The following GRID2 variants were observed in gnomAD, a reference collection of about 807,000 sequenced individuals.
The protein encoded by GRID2 is glutamate ionotropic receptor delta type subunit 2, also known as glutamate receptor ionotropic, delta-2.
A neutral mutation model predicts 114.8 loss-of-function variants in GRID2; 33 were observed. The ratio of observed to expected loss-of-function variants is 0.29; its 90% CI spans 0.22 to 0.38. The LOEUF is 0.38. Ranked by LOEUF, GRID2 falls within the 10% of genes least tolerant of loss-of-function variation. The pLI, the probability that GRID2 is intolerant of heterozygous loss-of-function variation, is 1.00. For synonymous variants in GRID2, 505 were observed against 449.9 expected (o/e 1.12, Z -1.55); for missense variants, 1,184 against 1,257.7 (o/e 0.94, Z 0.89).
chr4:92,434,158 C>T (rs1732613812), intron 1 of GRID2, among the ~76,000 whole-genome samples: 1 of 152,200 alleles, frequency 6.6e-6, no homozygotes, highest in African/African-American at 2.4e-5. Flanking sequence ...CTATTCCAGA[C>T]ACTGTGTGAC....
chr4:92,582,856 A>G (rs932639237), intron 1 of GRID2, among the ~76,000 whole-genome samples: 1 of 151,810 alleles, frequency 6.6e-6, no homozygotes, highest in Non-Finnish European at 1.5e-5. Flanking sequence ...GCTTGGTTGC[A>G]TGCCCCTGTA....
intron 2 of GRID2, among the ~76,000 whole-genome samples, chr4:92,948,371 A>G (rs1274909323): frequency 6.6e-6 from 1 of 151,914 alleles, no homozygotes; most frequent in East Asian, 1.9e-4. Flanking sequence ...GCAGAAAAAT[A>G]ATTACTAAAA....
intron 2 of GRID2, among the ~76,000 whole-genome samples, chr4:92,630,517 G>A (rs983890022): frequency 6.6e-6 from 1 of 152,136 alleles, no homozygotes. Context: ...TTAACCTGAT[G>A]TGTTGTCCTA....
Position 92,720,289 on chromosome 4 carries a change from G to A in GRID2, c.244+130003G>A, listed in dbSNP as rs188335268. On this transcript the variant is annotated intron_variant, in intron 2 of 15. Coordinates refer to ENST00000282020, the MANE Select transcript of GRID2 (RefSeq NM_001510.4). ...TTTGAATTTTCACTTCACTATGTGT[G>A]CAATTTATCCTTAGTCTAAATTGAT... is the stretch of plus-strand genomic sequence containing the variant. Among the ~76,000 whole-genome samples, 1,008 of 152,098 alleles carry A rather than the reference G, an allele frequency of 6.6e-3. 17 individuals carry two copies. Among genetic ancestry groups the A allele is most frequent in the African/African-American group, 0.023 (954 of 41,538 alleles).
rs201950087 is a variant in GRID2 at position 92,938,567 on chromosome 4, CT to C, written c.245-146419del. 6.7e-3 allele frequency among the ~76,000 whole-genome samples: 964 copies of C among 143,620 alleles called. 89 individuals are homozygous for C. Among genetic ancestry groups the C allele is most frequent in the Non-Finnish European group, 0.01 (673 of 64,752 alleles). The allele number at this position is 143,620 out of a possible 152,430, so 94.2% of individuals were successfully genotyped here. On this transcript the variant is annotated intron_variant, in intron 2 of 15. Transcript: ENST00000282020. Reference sequence around the variant, plus strand: ...AGTGGGAGGATTAATGTCAATATTTCTTTTTTTTTATTATACTTTAAGTTTT... The same window carrying C: ...AGTGGGAGGATTAATGTCAATATTTCTTTTTTTTATTATACTTTAAGTTTT...
At chr4:93,431,310 C>T (rs1343705884) in intron 10 of GRID2, among the ~76,000 whole-genome samples, 1 of 151,964 alleles carries the variant, frequency 6.6e-6, no homozygotes, top group Non-Finnish European at 1.5e-5. Context: ...TAGTTGAAAT[C>T]ATGAAAGTAC....
intron 2 of GRID2, among the ~76,000 whole-genome samples, chr4:92,675,828 AC>A (rs1733326775): frequency 6.6e-6 from 1 of 152,038 alleles, no homozygotes; most frequent in African/African-American, 2.4e-5. Context: ...TGCTGGGATT[AC>A]AGGCGTGAGC....
At chr4:93,803,808 A>G (rs1455423397) in intron 1 of GRID2, among the ~76,000 whole-genome samples, 2 of 152,196 alleles carry the variant, frequency 1.3e-5, no homozygotes. Context: ...AAAATTGCTT[A>G]CCTTTTTCTG....
At chr4:92,999,387 A>G (rs1399952055) in intron 2 of GRID2, among the ~76,000 whole-genome samples, 2 of 151,822 alleles carry the variant, frequency 1.3e-5, no homozygotes, top group Admixed American at 1.3e-4. Flanking sequence ...TTTTAACAGG[A>G]TACTCACCTT....
chr4:93,740,057 A>G (rs1349944723), intron 14 of GRID2, among the ~76,000 whole-genome samples: 2 of 152,226 alleles, frequency 1.3e-5, no homozygotes, highest in Non-Finnish European at 2.9e-5. Context: ...ACAAAGGACC[A>G]TATAGAAGAC....
chr4:93,046,406 A>C (rs994191106), intron 2 of GRID2, among the ~76,000 whole-genome samples: 4 of 152,248 alleles, frequency 2.6e-5, no homozygotes, highest in South Asian at 2.1e-4. Context: ...AGAGAAAAAT[A>C]GTGTAAGATT....
At chr4:92,738,356 G>A (rs1407974629) in intron 2 of GRID2, among the ~76,000 whole-genome samples, 1 of 152,026 alleles carries the variant, frequency 6.6e-6, no homozygotes, top group Non-Finnish European at 1.5e-5. Flanking sequence ...CTAACTTTTA[G>A]CTTATTCGCC....
At chr4:92,478,564 T>C (rs1019822618) in intron 1 of GRID2, among the ~76,000 whole-genome samples, 1 of 152,138 alleles carries the variant, frequency 6.6e-6, no homozygotes, top group African/African-American at 2.4e-5. Context: ...GTCAGATGAT[T>C]AGATTTTGCA....
chr4:92,370,010 G>A (rs982329975), intron 1 of GRID2, among the ~76,000 whole-genome samples: 16 of 151,876 alleles, frequency 1.1e-4, no homozygotes, highest in African/African-American at 3.9e-4. Flanking sequence ...TACAGTTATT[G>A]TGTTTTTTTC....
chr4:93,607,590 T>A (rs903254172), intron 13 of GRID2, among the ~76,000 whole-genome samples: 1 of 152,176 alleles, frequency 6.6e-6, no homozygotes, highest in South Asian at 2.1e-4. Context: ...CATCTATGTA[T>A]TTTTTAATTT....
At chr4:93,403,541 TAAA>T (rs1015020242) in intron 9 of GRID2, among the ~76,000 whole-genome samples, 1 of 151,680 alleles carries the variant, frequency 6.6e-6, no homozygotes, top group African/African-American at 2.4e-5. Context: ...TAAACAAAAT[TAAA>T]AAAAATTAAA....
intron 4 of GRID2, among the ~76,000 whole-genome samples, chr4:93,174,987 T>C (rs554294595): frequency 2.0e-5 from 3 of 152,154 alleles, no homozygotes; most frequent in Non-Finnish European, 4.4e-5. Flanking sequence ...AAATGTCCAA[T>C]AGTGTAATTG....
At chr4:92,630,584 T>G (rs1487855127) in intron 2 of GRID2, among the ~76,000 whole-genome samples, 1 of 152,164 alleles carries the variant, frequency 6.6e-6, no homozygotes, top group Non-Finnish European at 1.5e-5. Context: ...GGAACTATTT[T>G]CCTATACTGT....
intron 2 of GRID2, among the ~76,000 whole-genome samples, chr4:92,937,052 G>A (rs76694628): frequency 6.9e-6 from 1 of 145,930 alleles, no homozygotes; most frequent in Non-Finnish European, 1.5e-5. Flanking sequence ...TTGTTGACTT[G>A]TGAAAGTTCT....
Sources: allele counts gnomAD v4.1 joint callset (sites outside exome capture counted in the v4.1 genomes callset), GRCh38; gene constraint gnomAD v4.1.1; transcripts MANE v1.5; gene names NCBI Gene and HGNC (gene_info 2026-07-23, HGNC 2026-07-21).